Variants in AMBRA1 observed in about 807,000 individuals in gnomAD.
AMBRA1 encodes the protein activating molecule in BECN1-regulated autophagy protein 1.
A neutral mutation model predicts 125.4 loss-of-function variants in AMBRA1; 47 were observed. The observed-to-expected ratio is 0.37, with a 90% CI of 0.30 to 0.48. The LOEUF (loss-of-function observed/expected upper bound fraction) is 0.48, where lower values mean the gene tolerates loss of function less well. Among genes scored for constraint, AMBRA1 ranks in the 20% least tolerant of loss-of-function variants. AMBRA1 has a pLI of 0.99. For synonymous variants in AMBRA1, 626 were observed against 655.5 expected (o/e 0.95, Z 0.69); for missense variants, 1,331 against 1,693.4 (o/e 0.79, Z 3.76).
intron 7 of AMBRA1, among the ~76,000 whole-genome samples, chr11:46,533,493 C>T (rs1952315362): frequency 6.6e-6 from 1 of 152,116 alleles, no homozygotes; most frequent in Non-Finnish European, 1.5e-5. Flanking sequence ...AGTGGAGGGG[C>T]TTTGTTGCAG....
intron 1 of AMBRA1, among the ~76,000 whole-genome samples, chr11:46,590,558 T>C (rs2044560951): frequency 6.6e-6 from 1 of 152,132 alleles, no homozygotes; most frequent in African/African-American, 2.4e-5. Context: ...TCAAGTGATA[T>C]ACATAACTCT....
chr11:46,490,717 C>T (rs2136949370), intron 11 of AMBRA1, among the ~76,000 whole-genome samples: 1 of 152,264 alleles, frequency 6.6e-6, no homozygotes, highest in South Asian at 2.1e-4. Context: ...GCAAAAGTTC[C>T]ACTTATGTCT....
rs1488645918 is a variant in AMBRA1 at position 46,541,985 on chromosome 11, C to A, written c.2032G>T (p.Asp678Tyr). Residue 678 changes from aspartate (D) to tyrosine (Y), a missense_variant, in exon 7 of 18, where the codon GAT becomes TAT. Coordinates refer to ENST00000683756, the MANE Select transcript of AMBRA1 (RefSeq NM_001387011.1). ...TCCTCAGAGCTCTCCTCAGGCATAT[C>A]CTGATGTAAGGCCTCCTGTGACACA... ...GTVSQEALHQ[D>Y]MPEESSEEDS... is the part of the protein sequence containing the mutation. The A allele has an allele frequency of 2.7e-5, 43 of 1,613,980 alleles. No individual in the cohort carries two copies. Among genetic ancestry groups the A allele is most frequent in the Non-Finnish European group, 3.6e-5 (43 of 1,179,966 alleles).
chr11:46,424,799 C>T lies in AMBRA1; in HGVS notation c.2977-6747G>A, dbSNP rs549846922. Among the ~76,000 whole-genome samples the T allele has an allele frequency of 9.2e-4, 140 of 152,092 alleles. 1 individual carries two copies. The highest frequency in any genetic ancestry group is 3.4e-3 in the Middle Eastern group (1 of 292). ...AATTTACAGTGGGCTATGATAGTGC[C>T]ACTGTACTCCACCGTGGGTGAGATC... On this transcript the variant is annotated intron_variant, in intron 14 of 17. Transcript: ENST00000683756.
intron 11 of AMBRA1, among the ~76,000 whole-genome samples, chr11:46,447,708 GTAGATAGATAGATAGATAGATAGA>G (rs59044666): frequency 0.029 from 3,986 of 138,668 alleles, 165 homozygotes; most frequent in East Asian, 0.2. Context: ...AGACCATCTT[GTAGATAGATAGATAGATAGATAGA>G]TAGATAGATA....
At chr11:46,408,460 C>A in intron 17 of AMBRA1, 53 bp downstream of exon 17, 1 of 1,415,156 alleles carries the variant, frequency 7.1e-7, no homozygotes, top group South Asian at 1.7e-5. Context: ...AAGTGGCACT[C>A]ACTCGGTCTT....
intron 11 of AMBRA1, among the ~76,000 whole-genome samples, chr11:46,449,213 G>A (rs1201189265): frequency 3.3e-5 from 5 of 151,968 alleles, no homozygotes; most frequent in Non-Finnish European, 5.9e-5. Flanking sequence ...ACCCCCCACC[G>A]CAAAACAAAG....
chr11:46,517,691 G>A (rs868478020), intron 7 of AMBRA1, among the ~76,000 whole-genome samples: 7 of 149,874 alleles, frequency 4.7e-5, no homozygotes, highest in South Asian at 2.1e-4. Context: ...AAAATTAGCC[G>A]GGCCTGGTGG....
chr11:46,490,301 T>A (rs2136948189), intron 11 of AMBRA1, among the ~76,000 whole-genome samples: 1 of 152,338 alleles, frequency 6.6e-6, no homozygotes, highest in Non-Finnish European at 1.5e-5. Flanking sequence ...CCTGGGTTGA[T>A]GACCAATTGG....
chr11:46,511,594 AC>A (rs758129244), intron 8 of AMBRA1, among the ~76,000 whole-genome samples: 22 of 152,194 alleles, frequency 1.4e-4, no homozygotes, highest in Non-Finnish European at 2.6e-4. Context: ...TAACCTGCCA[AC>A]CCCACAACTG....
chr11:46,397,258 T>C lies in AMBRA1; in HGVS notation c.*192A>G, dbSNP rs1945500661. The C allele has an allele frequency of 4.5e-6, 3 of 669,100 alleles. No individual in the cohort carries two copies. Among genetic ancestry groups the C allele is most frequent in the South Asian group, 6.5e-5 (1 of 15,292 alleles). The allele number at this position is 669,100 out of a possible 1,614,324, so 41.4% of individuals were successfully genotyped here. A position where few individuals can be genotyped will look rare whatever the true frequency, so the allele number is the denominator to read the frequency against. On this transcript the variant is annotated 3_prime_UTR_variant, in exon 18 of 18. Transcript: ENST00000683756. ...GGCTCCAGATCCTGGAAGGTTCTAG[T>C]TCCCCGAGGCAGGCCTTGCCCATTT...
chr11:46,547,836 A>G lies in AMBRA1; in HGVS notation c.175T>C (p.Leu59=), dbSNP rs772797568. The part of the protein sequence containing the change: ...LPDSPRSTFL[L]AFSPDRTLLA... ...GAGTACCTGTCTGGGCTGAAGGCCA[A>G]TAAGAAGGTAGAGCGTGGACTATCC... is the stretch of plus-strand genomic sequence containing the variant. Residue 59 remains leucine, a synonymous_variant, in exon 3 of 18, where the codon TTG becomes CTG. Coordinates refer to ENST00000683756, the MANE Select transcript of AMBRA1 (RefSeq NM_001387011.1). 4 of 1,611,302 alleles carry G rather than the reference A, an allele frequency of 2.5e-6. No homozygotes were observed. Among genetic ancestry groups the G allele is most frequent in the African/African-American group, 1.3e-5 (1 of 74,882 alleles).
intron 14 of AMBRA1, among the ~76,000 whole-genome samples, chr11:46,420,888 T>C (rs1946815204): frequency 6.6e-6 from 1 of 152,160 alleles, no homozygotes; most frequent in Non-Finnish European, 1.5e-5. Flanking sequence ...ACGAGGAGAA[T>C]AATAAGACTT....
Position 46,446,267 on chromosome 11 carries a change from C to A in AMBRA1, c.2522-2669G>T, listed in dbSNP as rs375369842. ...CAGATTAGAGTACTGTTACCAGGTTCTTTTCTTCAAGAACTGTAGGCCAAC... is the reference window on the plus strand; with the variant it reads ...CAGATTAGAGTACTGTTACCAGGTTATTTTCTTCAAGAACTGTAGGCCAAC... On this transcript the variant is annotated intron_variant, in intron 11 of 17. Coordinates refer to ENST00000683756, the MANE Select transcript of AMBRA1 (RefSeq NM_001387011.1). Among the ~76,000 whole-genome samples the A allele has an allele frequency of 1.6e-3, 244 of 152,272 alleles. 9 individuals carry two copies. The South Asian group carries it at 0.049, about 31-fold the overall frequency.
At chr11:46,546,319 C>T (rs968497471) in intron 4 of AMBRA1, among the ~76,000 whole-genome samples, 4 of 152,108 alleles carry the variant, frequency 2.6e-5, no homozygotes, top group Non-Finnish European at 5.9e-5. Context: ...GGAATACAGG[C>T]GTGAGCCACC....
At chr11:46,493,551 C>T (rs1409931816) in intron 11 of AMBRA1, 57 bp downstream of exon 11, 1 of 1,397,960 alleles carries the variant, frequency 7.2e-7, no homozygotes, top group Non-Finnish European at 9.9e-7. Flanking sequence ...GAGGGAGAAG[C>T]TTTATCTGGC....
rs559383363 is a variant in AMBRA1, at chr11:46,490,687, T to G, written c.2521+2921A>C. Among the ~76,000 whole-genome samples, 25 of 152,262 alleles carry G rather than the reference T, an allele frequency of 1.6e-4. No homozygotes were observed. In the South Asian group the frequency reaches 5.0e-3, roughly 30 times the overall value. The stretch of plus-strand genomic sequence containing the variant: ...CTGCCAAATTTCCAAGCTTCATCCC[T>G]GCAAAAAGCCATTCACCATGCAAAA... On this transcript the variant is annotated intron_variant, in intron 11 of 17. Transcript: ENST00000683756.
chr11:46,593,994 G>A lies in AMBRA1; in HGVS notation c.-287C>T, dbSNP rs1002623862. 1.8e-5 allele frequency: 7 copies of A among 398,550 alleles called. No homozygotes were observed. Among genetic ancestry groups the A allele is most frequent in the Non-Finnish European group, 2.2e-5 (5 of 226,106 alleles). The allele number at this position is 398,550 out of a possible 1,614,324, so 24.7% of individuals were successfully genotyped here. ...ACAACTCAGCCCTCGACCCGGCGCCGCCGCCGCTCAGGAGACATCAAGCAA... is the reference window on the plus strand; with the variant it reads ...ACAACTCAGCCCTCGACCCGGCGCCACCGCCGCTCAGGAGACATCAAGCAA... On this transcript the variant is annotated 5_prime_UTR_variant, in exon 1 of 18. Transcript: ENST00000683756.
At chr11:46,551,471 G>A (rs1363336556) in intron 1 of AMBRA1, among the ~76,000 whole-genome samples, 1 of 152,122 alleles carries the variant, frequency 6.6e-6, no homozygotes, top group Non-Finnish European at 1.5e-5. Context: ...TTTAAAGATG[G>A]GGTCTCGCTA....
Sources: allele counts gnomAD v4.1 joint callset (sites outside exome capture counted in the v4.1 genomes callset), GRCh38; gene constraint gnomAD v4.1.1; transcripts MANE v1.5; gene names NCBI Gene and HGNC (gene_info 2026-07-23, HGNC 2026-07-21).